CNTNAP2: variants seen among roughly 807,000 people sequenced by gnomAD.
CNTNAP2 encodes the protein contactin associated protein 2.
A neutral mutation model predicts 155.2 loss-of-function variants in CNTNAP2; 98 were observed. The ratio of observed to expected loss-of-function variants is 0.63; its 90% confidence interval spans 0.54 to 0.75. The LOEUF (loss-of-function observed/expected upper bound fraction) is 0.75, where lower values mean the gene tolerates loss of function less well. Ranked by LOEUF, CNTNAP2 falls within the 30% of genes least tolerant of loss-of-function variation. The probability of loss-of-function intolerance (pLI) is 0.00; values close to 1 mark genes in which losing one functional copy is unlikely to be tolerated. For missense variants in CNTNAP2, 1,727 were observed against 1,688.1 expected (o/e 1.02, Z -0.40); for synonymous variants, 651 against 631.2 (o/e 1.03, Z -0.47).
intron 1 of CNTNAP2, among the ~76,000 whole-genome samples, chr7:146,133,340 A>C (rs1433584430): frequency 6.6e-6 from 1 of 151,744 alleles, no homozygotes; most frequent in Non-Finnish European, 1.5e-5. Flanking sequence ...TAGGTTGTGA[A>C]AATTTTCTCC....
intron 1 of CNTNAP2, among the ~76,000 whole-genome samples, chr7:146,475,359 G>C (rs1413735863): frequency 1.3e-5 from 2 of 152,092 alleles, no homozygotes; most frequent in Non-Finnish European, 2.9e-5. Context: ...TTCAAACATA[G>C]AAAAAGGAAG....
intron 12 of CNTNAP2, among the ~76,000 whole-genome samples, chr7:147,623,717 A>G (rs1422098300): frequency 6.6e-6 from 1 of 151,930 alleles, no homozygotes; most frequent in African/African-American, 2.4e-5. Context: ...CTATGAAAAT[A>G]CCAATGACAT....
chr7:146,711,024 C>T (rs1801058019), intron 1 of CNTNAP2, among the ~76,000 whole-genome samples: 1 of 151,796 alleles, frequency 6.6e-6, no homozygotes, highest in Non-Finnish European at 1.5e-5. Flanking sequence ...CCTCCTTGCT[C>T]AACCTCTTGG....
At position 147,831,065 on chromosome 7, in the gene CNTNAP2, A is replaced by C. The variant is rs574133549; in HGVS notation, c.2099-72500A>C. On this transcript the variant is annotated intron_variant, in intron 13 of 23. Coordinates refer to ENST00000361727, the MANE Select transcript of CNTNAP2 (RefSeq NM_014141.6). ...TAGAGGAATTCTTATTAAGCATGAG[A>C]GTTAATAATCTCCTGAGACACAAAT... 3.3e-5 allele frequency among the ~76,000 whole-genome samples: 5 copies of C among 152,332 alleles called. No homozygotes were observed. In the South Asian group the frequency reaches 8.3e-4, roughly 25 times the overall value.
intron 21 of CNTNAP2, among the ~76,000 whole-genome samples, chr7:148,324,510 A>G (rs1457124398): frequency 3.3e-5 from 5 of 152,080 alleles, no homozygotes; most frequent in Non-Finnish European, 5.9e-5. Flanking sequence ...GAGAGTAGGG[A>G]TCTGAGGTCG....
At chr7:147,131,388 C>T (rs1280404252) in intron 7 of CNTNAP2, among the ~76,000 whole-genome samples, 1 of 151,766 alleles carries the variant, frequency 6.6e-6, no homozygotes, top group Non-Finnish European at 1.5e-5. Flanking sequence ...GAAGCAAATA[C>T]AGATTTTTAG....
chr7:147,002,011 T>C (rs1798433845), intron 3 of CNTNAP2, among the ~76,000 whole-genome samples: 1 of 151,458 alleles, frequency 6.6e-6, no homozygotes, highest in Non-Finnish European at 1.5e-5. Context: ...TTTAGAGAAA[T>C]AAAGTTGAGA....
chr7:147,516,947 T>G (rs1448704779), intron 11 of CNTNAP2, among the ~76,000 whole-genome samples: 1 of 147,934 alleles, frequency 6.8e-6, no homozygotes, highest in African/African-American at 2.5e-5. Context: ...CTGCGACCAC[T>G]GCCTCCCGGA....
At chr7:146,476,021 A>C (rs1398375798) in intron 1 of CNTNAP2, among the ~76,000 whole-genome samples, 1 of 152,194 alleles carries the variant, frequency 6.6e-6, no homozygotes, top group African/African-American at 2.4e-5. Context: ...TTGATTAGGA[A>C]GCTGTCTCTA....
intron 1 of CNTNAP2, among the ~76,000 whole-genome samples, chr7:146,551,135 A>G (rs377437405): frequency 5.9e-5 from 9 of 152,144 alleles, no homozygotes. Context: ...AGAAGCTGGT[A>G]TAAGGAAATT....
At chr7:148,299,470 C>T (rs777986801) in intron 21 of CNTNAP2, among the ~76,000 whole-genome samples, 5 of 152,136 alleles carry the variant, frequency 3.3e-5, no homozygotes, top group Admixed American at 6.5e-5. Flanking sequence ...GCCAGGCAGG[C>T]GCGATTCTGC....
chr7:147,261,134 T>C (rs1804455533), intron 8 of CNTNAP2, among the ~76,000 whole-genome samples: 1 of 152,252 alleles, frequency 6.6e-6, no homozygotes, highest in South Asian at 2.1e-4. Flanking sequence ...GAATGATTTA[T>C]TAAAAATATA....
intron 1 of CNTNAP2, among the ~76,000 whole-genome samples, chr7:146,170,401 G>A (rs1023964028): frequency 1.3e-5 from 2 of 152,000 alleles, no homozygotes; most frequent in Admixed American, 1.3e-4. Flanking sequence ...CCAACCGAAG[G>A]GCACAAGGGT....
chr7:147,507,393 C>A lies in CNTNAP2; in HGVS notation c.1777+21352C>A, dbSNP rs372677293. Among the ~76,000 whole-genome samples the A allele has an allele frequency of 1.2e-4, 18 of 152,198 alleles. 2 individuals carry two copies. Among genetic ancestry groups the A allele is most frequent in the African/African-American group, 4.1e-4 (17 of 41,532 alleles). ...GGAGGTTGTCTCTCTTCACCCGCTC[C>A]TCCCCACACCAGTCCACCCTTCAAC... is the stretch of plus-strand genomic sequence containing the variant. On this transcript the variant is annotated intron_variant, in intron 11 of 23. Transcript: ENST00000361727.
At chr7:147,368,449 T>A (rs1315111012) in intron 9 of CNTNAP2, among the ~76,000 whole-genome samples, 1 of 152,028 alleles carries the variant, frequency 6.6e-6, no homozygotes. Context: ...CTTTTGTACT[T>A]ACTTGAAATA....
At chr7:146,733,474 T>A (rs1365871041) in intron 1 of CNTNAP2, among the ~76,000 whole-genome samples, 3 of 152,250 alleles carry the variant, frequency 2.0e-5, no homozygotes, top group Admixed American at 2.0e-4. Flanking sequence ...AAATTTAAAT[T>A]TTAAACCATG....
intron 10 of CNTNAP2, among the ~76,000 whole-genome samples, chr7:147,479,423 C>T (rs1206126156): frequency 6.6e-6 from 1 of 152,158 alleles, no homozygotes; most frequent in Admixed American, 6.5e-5. Flanking sequence ...GAACAGGCGA[C>T]TGACTGATTT....
intron 11 of CNTNAP2, among the ~76,000 whole-genome samples, chr7:147,493,660 G>A (rs1043603593): frequency 6.6e-6 from 1 of 152,052 alleles, no homozygotes; most frequent in South Asian, 2.1e-4. Flanking sequence ...CACATCTCTG[G>A]TTCACCAGGA....
At chr7:146,515,622 G>A (rs1445058629) in intron 1 of CNTNAP2, among the ~76,000 whole-genome samples, 2 of 152,032 alleles carry the variant, frequency 1.3e-5, no homozygotes, top group Non-Finnish European at 2.9e-5. Flanking sequence ...AATCTTAAGA[G>A]CACGCTAGAA....
Sources: gnomAD v4.1 joint callset for allele counts (sites outside exome capture counted in the v4.1 genomes callset) on GRCh38, gnomAD v4.1.1 for gene constraint, MANE v1.5 for transcripts, NCBI Gene and HGNC (gene_info 2026-07-23, HGNC 2026-07-21) for gene names.